IL13: variants seen among roughly 807,000 people sequenced by gnomAD.
The protein encoded by IL13 is interleukin-13.
In IL13, 9 loss-of-function variants were observed where a neutral mutation model predicts 11.1. The observed-to-expected ratio is 0.81, with a 90% confidence interval of 0.49 to 1.42. The LOEUF (loss-of-function observed/expected upper bound fraction) is 1.42. IL13 is among the 40% of genes most tolerant of loss of function. IL13 has a pLI of 0.00. For missense variants in IL13, 181 were observed against 182.5 expected, an observed-to-expected ratio of 0.99 and a Z score of 0.05; for synonymous variants, 75 against 76.9, an observed-to-expected ratio of 0.97 and a Z score of 0.13.
Position 132,660,378 on chromosome 5 carries a change from G to A in IL13, c.*96G>A, listed in dbSNP as rs200797041. On this transcript the variant is annotated 3_prime_UTR_variant, in exon 4 of 4. Coordinates refer to ENST00000304506, the MANE Select transcript of IL13 (RefSeq NM_002188.3). ...GATGTCAAAAATGTCTTGGGTAGGCGGGAAGGAGGGTTAGGGAGGGGTAAA... is the reference window on the plus strand; with the variant it reads ...GATGTCAAAAATGTCTTGGGTAGGCAGGAAGGAGGGTTAGGGAGGGGTAAA... 7.3e-6 allele frequency: 11 copies of A among 1,511,416 alleles called. No individual in the cohort carries two copies. Among genetic ancestry groups the A allele is most frequent in the South Asian group, 2.5e-5 (2 of 78,460 alleles). 93.6% of individuals were successfully genotyped at this position (1,511,416 alleles called of 1,614,324 possible).
rs1462034365 is a variant in IL13, at chr5:132,658,363, G to A, written c.174+3G>A. ...TCAACATCACCCAGAACCAGAAGGT[G>A]AGTGTCGGCTAGCCAGGGTCCTAGC... On this transcript the variant is annotated splice_donor_region_variant and intron_variant, in intron 1 of 3. Coordinates refer to ENST00000304506, the MANE Select transcript of IL13 (RefSeq NM_002188.3). The A allele has an allele frequency of 1.3e-6, 2 of 1,593,588 alleles. No homozygotes were observed. Among genetic ancestry groups the A allele is most frequent in the South Asian group, 1.1e-5 (1 of 89,748 alleles).
In IL13 at chr5:132,660,272, A is replaced by G. The variant is rs20541; in HGVS notation, c.431A>G (p.Gln144Arg). ...LHLKKLFREG[Q>R]FN is the part of the protein sequence containing the mutation. ...TTAAAGAAACTTTTTCGCGAGGGAC[A>G]GTTCAACTGAAACTTCGAAAGCATC... The change falls in exon 4 of 4, where the codon CAG becomes CGG. Residue 144 changes from glutamine to arginine, a missense_variant. Gln to Arg is a conservative substitution (Grantham distance 43). Transcript: ENST00000304506. The G allele has an allele frequency of 0.78, 1,266,430 of 1,613,648 alleles. 502,207 individuals carry two copies. The highest frequency in any genetic ancestry group is 0.82 in the African/African-American group (61,413 of 75,010).
chr5:132,659,744 C>T lies in IL13; in HGVS notation c.249C>T (p.Ser83=), dbSNP rs756707941. The change falls in exon 3 of 4, where the codon TCC becomes TCT. Residue 83 remains serine (S), a synonymous_variant. Coordinates refer to ENST00000304506, the MANE Select transcript of IL13 (RefSeq NM_002188.3). This position sits in a 1 kb window ranked among gnomAD's most constrained non-coding sequence, Gnocchi z 4.1. ...CACAGTACTGTGCAGCCCTGGAATC[C>T]CTGATCAACGTGTCAGGCTGCAGTG... ...TAGMYCAALE[S]LINVSGCSAI... is the part of the protein sequence containing the mutation. 1.2e-6 allele frequency: 2 copies of T among 1,613,984 alleles called. No individual in the cohort carries two copies. Among genetic ancestry groups the T allele is most frequent in the Admixed American group, 1.7e-5 (1 of 60,028 alleles).
At chr5:132,658,733 C>A in intron 1 of IL13, 1 of 211,304 alleles carries the variant, frequency 4.7e-6, no homozygotes, top group African/African-American at 2.3e-5. Flanking sequence ...GCCATTCTCC[C>A]CAGCACCATC....
At position 132,658,233 on chromosome 5, in the gene IL13, C is replaced by G; in HGVS notation, c.47C>G (p.Ala16Gly). 25 of 1,611,666 alleles carry G rather than the reference C, an allele frequency of 1.6e-5. No individual in the cohort carries two copies. The highest frequency in any genetic ancestry group is 2.1e-5 in the Non-Finnish European group (25 of 1,177,902). The stretch of plus-strand genomic sequence containing the variant: ...CTCCTGTTGGCACTGGGCCTCATGG[C>G]GCTTTTGTTGACCACGGTCATTGCT... ...NPLLLALGLM[A>G]LLLTTVIALT... Residue 16 changes from alanine to glycine, a missense_variant, in exon 1 of 4, where the codon GCG (alanine) becomes GGG (glycine). Coordinates refer to ENST00000304506, the MANE Select transcript of IL13 (RefSeq NM_002188.3).
rs1752099923 is a variant in IL13 at position 132,659,285 on chromosome 5, G to A, written c.175-133G>A. 2.9e-6 allele frequency: 2 copies of A among 697,702 alleles called. No individual in the cohort carries two copies. The highest frequency in any genetic ancestry group is 4.2e-5 in the Admixed American group (2 of 47,952). 43.2% of individuals were successfully genotyped at this position (697,702 alleles called of 1,614,324 possible). ...AAAACGAAGCTCAGGAATGCTGAGGGGCTGCCAGGCCTGCCTCTGTGCCAC... is the reference window on the plus strand; with the variant it reads ...AAAACGAAGCTCAGGAATGCTGAGGAGCTGCCAGGCCTGCCTCTGTGCCAC... On this transcript the variant is annotated intron_variant, in intron 1 of 3. Coordinates refer to ENST00000304506, the MANE Select transcript of IL13 (RefSeq NM_002188.3). This position sits in a 1 kb window ranked among gnomAD's most constrained non-coding sequence, Gnocchi z 4.1.
At chr5:132,658,946 T>C (rs918410946) in intron 1 of IL13, 2 of 183,108 alleles carry the variant, frequency 1.1e-5, no homozygotes, top group African/African-American at 4.7e-5. Context: ...AGAGGCTGGA[T>C]TCAAGCCAGG....
chr5:132,659,928 AC>A lies in IL13; in HGVS notation c.333+103del. 1 of 1,515,952 alleles carries A rather than the reference AC, an allele frequency of 6.6e-7. No individual in the cohort carries two copies. Among genetic ancestry groups the A allele is most frequent in the Non-Finnish European group, 8.8e-7 (1 of 1,130,712 alleles). 93.9% of individuals were successfully genotyped at this position (1,515,952 alleles called of 1,614,324 possible). A position where few individuals can be genotyped will look rare whatever the true frequency, so the allele number is the denominator to read the frequency against. Reference sequence around the variant, plus strand: ...GGCTGAATATCCATGGTGTGTGTCCACCCAGGGGTGGGGCCATTGTGGCAGC... The same window carrying A: ...GGCTGAATATCCATGGTGTGTGTCCACCAGGGGTGGGGCCATTGTGGCAGC... On this transcript the variant is annotated intron_variant, in intron 3 of 3. Transcript: ENST00000304506. This position sits in a 1 kb window ranked among gnomAD's most constrained non-coding sequence, Gnocchi z 4.1.
In IL13 at chr5:132,659,568, G is replaced by A. The variant is rs1220609814; in HGVS notation, c.228+97G>A. 2 of 1,559,120 alleles carry A rather than the reference G, an allele frequency of 1.3e-6. No homozygotes were observed. Among genetic ancestry groups the A allele is most frequent in the East Asian group, 2.3e-5 (1 of 43,074 alleles). On this transcript the variant is annotated intron_variant, in intron 2 of 3. Coordinates refer to ENST00000304506, the MANE Select transcript of IL13 (RefSeq NM_002188.3). This position sits in a 1 kb window ranked among gnomAD's most constrained non-coding sequence, Gnocchi z 4.1. ...CTTCCATGGCTGGGGTTCCAAGCAA[G>A]CTTCAAGTGCTCTCCTCCCTCCCGC... is the stretch of plus-strand genomic sequence containing the variant.
At position 132,661,068 on chromosome 5, in the gene IL13, T is replaced by C. The variant is rs1333602059; in HGVS notation, c.*786T>C. The C allele has an allele frequency of 2.6e-5, 4 of 152,414 alleles. No individual in the cohort carries two copies. The highest frequency in any genetic ancestry group is 5.9e-5 in the Non-Finnish European group (4 of 68,076). 9.4% of individuals were successfully genotyped at this position (152,414 alleles called of 1,614,324 possible). On this transcript the variant is annotated 3_prime_UTR_variant, in exon 4 of 4. Coordinates refer to ENST00000304506, the MANE Select transcript of IL13 (RefSeq NM_002188.3). ...AGGGGACATTGAACAAGTTGTTTCA[T>C]TGACTATCAAACTGAAGCCAGAAAT...
In IL13 at chr5:132,659,916, T is replaced by C. The variant is rs1752116681; in HGVS notation, c.333+88T>C. 6.5e-7 allele frequency: 1 copy of C among 1,544,544 alleles called. No individual in the cohort carries two copies. The highest frequency in any genetic ancestry group is 1.2e-5 in the South Asian group (1 of 82,046). On this transcript the variant is annotated intron_variant, in intron 3 of 3. Transcript: ENST00000304506. The surrounding 1 kb of genome is among the most constrained non-coding windows in gnomAD (Gnocchi z 4.1). ...TGAAGGGAAGCTGGCTGAATATCCA[T>C]GGTGTGTGTCCACCCAGGGGTGGGG...
In IL13 at chr5:132,659,443, T is replaced by C; in HGVS notation, c.200T>C (p.Val67Ala). The C allele has an allele frequency of 1.2e-6, 2 of 1,611,794 alleles. No individual in the cohort carries two copies. Among genetic ancestry groups the C allele is most frequent in the Non-Finnish European group, 1.7e-6 (2 of 1,178,822 alleles). ...GCTCCGCTCTGCAATGGCAGCATGG[T>C]ATGGAGCATCAACCTGACAGCTGGC... ...QKAPLCNGSM[V>A]WSINLTAGMY... The change falls in exon 2 of 4, where the codon GTA becomes GCA. Residue 67 changes from valine to alanine, a missense_variant. Coordinates refer to ENST00000304506, the MANE Select transcript of IL13 (RefSeq NM_002188.3). This position sits in a 1 kb window ranked among gnomAD's most constrained non-coding sequence, Gnocchi z 4.1.
In IL13 at chr5:132,659,227, G is replaced by A. The variant is rs1752098887; in HGVS notation, c.175-191G>A. The A allele has an allele frequency of 3.3e-6, 2 of 598,328 alleles. No individual in the cohort carries two copies. The highest frequency in any genetic ancestry group is 4.4e-4 in the Middle Eastern group (1 of 2,252). 37.1% of individuals were successfully genotyped at this position (598,328 alleles called of 1,614,324 possible). A position where few individuals can be genotyped will look rare whatever the true frequency, so the allele number is the denominator to read the frequency against. On this transcript the variant is annotated intron_variant, in intron 1 of 3. Coordinates refer to ENST00000304506, the MANE Select transcript of IL13 (RefSeq NM_002188.3). This position sits in a 1 kb window ranked among gnomAD's most constrained non-coding sequence, Gnocchi z 4.1. ...CTCAGCTCCAAGACCCTAAACAGTGGGACCTCACCCCTATGCCTGCTGTTC... is the reference window on the plus strand; with the variant it reads ...CTCAGCTCCAAGACCCTAAACAGTGAGACCTCACCCCTATGCCTGCTGTTC...
At position 132,658,255 on chromosome 5, in the gene IL13, T is replaced by G; in HGVS notation, c.69T>G (p.Ile23Met). 2 of 1,609,866 alleles carry G rather than the reference T, an allele frequency of 1.2e-6. No individual in the cohort carries two copies. The highest frequency in any genetic ancestry group is 2.2e-5 in the South Asian group (2 of 91,000). The change falls in exon 1 of 4, where the codon ATT (isoleucine) becomes ATG (methionine). Residue 23 changes from isoleucine to methionine, a missense_variant. Ile to Met is a conservative substitution (Grantham distance 10, BLOSUM62 1). Coordinates refer to ENST00000304506, the MANE Select transcript of IL13 (RefSeq NM_002188.3). ...GLMALLLTTV[I>M]ALTCLGGFAS... is the part of the protein sequence containing the mutation. ...TGGCGCTTTTGTTGACCACGGTCAT[T>G]GCTCTCACTTGCCTTGGCGGCTTTG...
rs1463373126 is a variant in IL13, at chr5:132,659,307, C to A, written c.175-111C>A. The A allele has an allele frequency of 2.2e-5, 17 of 776,648 alleles. No individual in the cohort carries two copies. The highest frequency in any genetic ancestry group is 2.3e-6 in the Non-Finnish European group (1 of 443,164). The allele number at this position is 776,648 out of a possible 1,614,324, so 48.1% of individuals were successfully genotyped here. A position where few individuals can be genotyped will look rare whatever the true frequency, so the allele number is the denominator to read the frequency against. On this transcript the variant is annotated intron_variant, in intron 1 of 3. Coordinates refer to ENST00000304506, the MANE Select transcript of IL13 (RefSeq NM_002188.3). This position sits in a 1 kb window ranked among gnomAD's most constrained non-coding sequence, Gnocchi z 4.1. ...AGGGGCTGCCAGGCCTGCCTCTGTGCCACACCAGGGATGCTTGTGGGGCCT... is the reference window on the plus strand; with the variant it reads ...AGGGGCTGCCAGGCCTGCCTCTGTGACACACCAGGGATGCTTGTGGGGCCT...
chr5:132,658,782 C>T (rs191779987), intron 1 of IL13: 23 of 178,726 alleles, frequency 1.3e-4, no homozygotes, highest in South Asian at 1.1e-3. Flanking sequence ...TAGTAGAGTC[C>T]GCTCCTTGCC....
At position 132,659,399 on chromosome 5, in the gene IL13, T is replaced by G. The variant is rs1224355421; in HGVS notation, c.175-19T>G. The G allele has an allele frequency of 1.9e-6, 3 of 1,593,714 alleles. No individual in the cohort carries two copies. The highest frequency in any genetic ancestry group is 2.3e-5 in the South Asian group (2 of 88,394). On this transcript the variant is annotated intron_variant, in intron 1 of 3. Transcript: ENST00000304506. The surrounding 1 kb of genome is among the most constrained non-coding windows in gnomAD (Gnocchi z 4.1). Reference sequence around the variant, plus strand: ...CAACCCCTGCCAGCACTCTGCTCACTGTCACTTTGCTCCCACAGGCTCCGC... The same window carrying G: ...CAACCCCTGCCAGCACTCTGCTCACGGTCACTTTGCTCCCACAGGCTCCGC...
Position 132,658,225 on chromosome 5 carries a change from C to G in IL13, c.39C>G (p.Gly13=). ...PLLNPLLLAL[G]LMALLLTTVI... ...TCAATCCTCTCCTGTTGGCACTGGG[C>G]CTCATGGCGCTTTTGTTGACCACGG... Residue 13 remains glycine, a synonymous_variant, in exon 1 of 4, where the codon GGC becomes GGG. Transcript: ENST00000304506. 1 of 1,610,744 alleles carries G rather than the reference C, an allele frequency of 6.2e-7. No homozygotes were observed. The highest frequency in any genetic ancestry group is 1.1e-5 in the South Asian group (1 of 90,870).
intron 1 of IL13, chr5:132,658,573 C>T (rs1752084970): frequency 2.1e-6 from 1 of 472,846 alleles, no homozygotes; most frequent in East Asian, 3.4e-5. Context: ...CTGGCAGACT[C>T]CCCAGGGACT....
Sources: allele counts gnomAD v4.1 joint callset, GRCh38; gene constraint gnomAD v4.1.1; non-coding constraint Gnocchi (gnomAD v3.1); transcripts MANE v1.5; gene names NCBI Gene and HGNC (gene_info 2026-07-23, HGNC 2026-07-21).